The following WDR49 variants were observed in gnomAD, a reference collection of about 807,000 sequenced individuals.
WDR49 encodes WD repeat domain 49.
In WDR49, 107 loss-of-function variants were observed where a neutral mutation model predicts 119.5. The observed-to-expected ratio is 0.90, with a 90% CI of 0.77 to 1.05. The LOEUF (loss-of-function observed/expected upper bound fraction) is 1.05, where lower values mean the gene tolerates loss of function less well. Ranked by LOEUF, WDR49 falls within the 50% of genes least tolerant of loss-of-function variation. The probability of loss-of-function intolerance (pLI) is 0.00; values close to 1 mark genes in which losing one functional copy is unlikely to be tolerated. For synonymous variants in WDR49, 425 were observed against 418.8 expected (o/e 1.01, Z -0.18); for missense variants, 1,240 against 1,220.5 (o/e 1.02, Z -0.24).
chr3:167,538,373 C>A (rs1489003462), intron 10 of WDR49, among the ~76,000 whole-genome samples: 1 of 152,104 alleles, frequency 6.6e-6, no homozygotes, highest in Non-Finnish European at 1.5e-5. Flanking sequence ...TCTTTCTCTT[C>A]CCCAGTCAAA....
intron 5 of WDR49, among the ~76,000 whole-genome samples, chr3:167,609,188 T>C (rs1192998775): frequency 6.6e-6 from 1 of 150,550 alleles, no homozygotes; most frequent in Non-Finnish European, 1.5e-5. Flanking sequence ...GGACACCAAG[T>C]TAACAATCTA....
chr3:167,543,960 C>G (rs1712003071), intron 10 of WDR49, among the ~76,000 whole-genome samples: 1 of 151,648 alleles, frequency 6.6e-6, no homozygotes, highest in Non-Finnish European at 1.5e-5. Context: ...TTCAGTAAAG[C>G]TTCAGAATAC....
chr3:167,565,356 G>GAA (rs747708281), intron 8 of WDR49, among the ~76,000 whole-genome samples: 1 of 91,524 alleles, frequency 1.1e-5, no homozygotes, highest in African/African-American at 3.9e-5. Context: ...AACAAGATCA[G>GAA]AAAAAAAAAA....
chr3:167,539,945 T>G (rs1243128944), intron 10 of WDR49, among the ~76,000 whole-genome samples: 1 of 152,216 alleles, frequency 6.6e-6, no homozygotes, highest in Admixed American at 6.5e-5. Context: ...AACAAATATT[T>G]GCTGAATCAA....
At chr3:167,489,940 A>G (rs1751068291) in intron 18 of WDR49, among the ~76,000 whole-genome samples, 1 of 152,138 alleles carries the variant, frequency 6.6e-6, no homozygotes, top group South Asian at 2.1e-4. Context: ...TGGAGTTCTC[A>G]TTAAAATACA....
intron 7 of WDR49, among the ~76,000 whole-genome samples, chr3:167,586,177 A>G (rs530030729): frequency 3.3e-5 from 5 of 152,330 alleles, no homozygotes; most frequent in Non-Finnish European, 7.4e-5. Flanking sequence ...CCAAATCAGG[A>G]TTAGTGGCCT....
intron 7 of WDR49, among the ~76,000 whole-genome samples, chr3:167,596,683 A>G (rs1715465606): frequency 7.6e-6 from 1 of 131,070 alleles, no homozygotes; most frequent in Non-Finnish European, 1.6e-5. Context: ...GAACACATGG[A>G]CACAGGAAGG....
At chr3:167,562,720 T>C (rs1363837302) in intron 8 of WDR49, among the ~76,000 whole-genome samples, 2 of 152,212 alleles carry the variant, frequency 1.3e-5, no homozygotes, top group Non-Finnish European at 2.9e-5. Context: ...GATGCCTAAG[T>C]TTGAATGTCA....
chr3:167,518,551 C>T (rs1275338349), intron 16 of WDR49, among the ~76,000 whole-genome samples: 2 of 151,408 alleles, frequency 1.3e-5, no homozygotes, highest in Non-Finnish European at 3.0e-5. Flanking sequence ...AGTGTCTGTT[C>T]ATATCCTTTG....
intron 15 of WDR49, among the ~76,000 whole-genome samples, chr3:167,522,749 A>AT (rs1752499123): frequency 6.6e-6 from 1 of 152,110 alleles, no homozygotes; most frequent in Non-Finnish European, 1.5e-5. Context: ...AACTACAAAA[A>AT]TTTTTTTACC....
intron 18 of WDR49, among the ~76,000 whole-genome samples, chr3:167,490,148 G>A (rs1025273822): frequency 4.6e-5 from 7 of 152,092 alleles, no homozygotes; most frequent in Non-Finnish European, 7.4e-5. Flanking sequence ...ACAAAGCAAC[G>A]GGTTGGTGAG....
intron 7 of WDR49, among the ~76,000 whole-genome samples, chr3:167,581,651 A>G (rs1004822787): frequency 6.6e-6 from 1 of 152,182 alleles, no homozygotes; most frequent in African/African-American, 2.4e-5. Context: ...ACTATAATAA[A>G]TCAACAAGTA....
chr3:167,498,637 G>A (rs1234588129), intron 18 of WDR49, among the ~76,000 whole-genome samples: 1 of 152,296 alleles, frequency 6.6e-6, no homozygotes, highest in Middle Eastern at 3.4e-3. Flanking sequence ...TATTATGCAG[G>A]TAGTCTCTTA....
intron 6 of WDR49, among the ~76,000 whole-genome samples, 192 bp from the exon 7 acceptor site, chr3:167,602,467 G>A (rs1431646686): frequency 6.6e-6 from 1 of 152,090 alleles, no homozygotes; most frequent in African/African-American, 2.4e-5. Flanking sequence ...AGAAATAGTT[G>A]AAATGGAGGG....
intron 18 of WDR49, among the ~76,000 whole-genome samples, chr3:167,489,886 G>C (rs1207143605): frequency 6.6e-6 from 1 of 152,058 alleles, no homozygotes; most frequent in Non-Finnish European, 1.5e-5. Context: ...GCGTCTTCTA[G>C]ACAAATTCTT....
chr3:167,538,197 C>T (rs1711573269), intron 10 of WDR49, among the ~76,000 whole-genome samples: 1 of 152,054 alleles, frequency 6.6e-6, no homozygotes, highest in Non-Finnish European at 1.5e-5. Context: ...ATAATCTTTG[C>T]TAGAAATAGT....
intron 5 of WDR49, among the ~76,000 whole-genome samples, chr3:167,607,276 G>A (rs1332808407): frequency 6.6e-6 from 1 of 152,142 alleles, no homozygotes; most frequent in Non-Finnish European, 1.5e-5. Context: ...AGAATAAGCA[G>A]GAGAGACAGA....
intron 7 of WDR49, among the ~76,000 whole-genome samples, chr3:167,599,960 C>T (rs1715677653): frequency 6.6e-6 from 1 of 152,070 alleles, no homozygotes; most frequent in African/African-American, 2.4e-5. Context: ...AGTGATGGGT[C>T]CTTCCAGGAC....
intron 17 of WDR49, among the ~76,000 whole-genome samples, chr3:167,503,080 C>T (rs1034758842): frequency 2.8e-4 from 42 of 152,298 alleles, no homozygotes; most frequent in Admixed American, 2.2e-3. Context: ...TCTCCATATC[C>T]GTGCAGCTCC....
Sources: allele counts gnomAD v4.1 joint callset (sites outside exome capture counted in the v4.1 genomes callset), GRCh38; gene constraint gnomAD v4.1.1; transcripts MANE v1.5; gene names NCBI Gene and HGNC (gene_info 2026-07-23, HGNC 2026-07-21).